The following IGF1R variants were observed in gnomAD, a reference collection of about 807,000 sequenced individuals.
IGF1R encodes insulin-like growth factor 1 receptor.
IGF1R carries 44 observed loss-of-function variants against 144.6 expected under a neutral mutation model. The ratio of observed to expected loss-of-function variants is 0.30; its 90% CI spans 0.24 to 0.39. The LOEUF is 0.39. IGF1R is among the 10% of genes least tolerant of loss of function. IGF1R has a pLI of 1.00. For synonymous variants in IGF1R, 795 were observed against 722.8 expected (o/e 1.10, Z -1.60); for missense variants, 1,355 against 1,833.7 (o/e 0.74, Z 4.77).
chr15:98,665,441 C>T (rs1307404720), intron 1 of IGF1R, among the ~76,000 whole-genome samples: 2 of 152,040 alleles, frequency 1.3e-5, no homozygotes, highest in African/African-American at 4.8e-5. Flanking sequence ...GGATCATTTG[C>T]GTTATCAATG....
chr15:98,936,100 G>A (rs796132854), intron 17 of IGF1R, among the ~76,000 whole-genome samples: 10 of 152,238 alleles, frequency 6.6e-5, no homozygotes, highest in African/African-American at 2.2e-4. Context: ...CCCCTTCCCC[G>A]GCATTGTTGG....
At position 98,902,457 on chromosome 15, in the gene IGF1R, G is replaced by A. The variant is rs1369874969; in HGVS notation, c.1247+2836G>A. On this transcript the variant is annotated intron_variant, in intron 5 of 20. Coordinates refer to ENST00000650285, the MANE Select transcript of IGF1R (RefSeq NM_000875.5). ...TTTTGAGATGGAATCTTGCTGTGTC[G>A]CCCAGGCTGGAGTGTAGTGGCGCTG... Among the ~76,000 whole-genome samples the A allele has an allele frequency of 1.1e-4, 14 of 131,878 alleles. No individual in the cohort carries two copies. The East Asian group carries it at 1.5e-3, about 14-fold the overall frequency. The allele number at this position is 131,878 out of a possible 152,430, so 86.5% of individuals were successfully genotyped here.
rs1163334195 is a variant in IGF1R at position 98,719,459 on chromosome 15, T to C, written c.640+11352T>C. 3.9e-5 allele frequency among the ~76,000 whole-genome samples: 6 copies of C among 152,280 alleles called. No homozygotes were observed. The South Asian group carries it at 6.2e-4, about 16-fold the overall frequency. On this transcript the variant is annotated intron_variant, in intron 2 of 20. Coordinates refer to ENST00000650285, the MANE Select transcript of IGF1R (RefSeq NM_000875.5). ...AGCTCACCAAATATTTCTTGTTTGCTGAGGGGGGAAAAAGATCCTCCTTGG... is the reference window on the plus strand; with the variant it reads ...AGCTCACCAAATATTTCTTGTTTGCCGAGGGGGGAAAAAGATCCTCCTTGG...
chr15:98,678,921 C>T (rs2053116999), intron 1 of IGF1R, among the ~76,000 whole-genome samples: 1 of 130,176 alleles, frequency 7.7e-6, no homozygotes, highest in South Asian at 2.5e-4. Context: ...CTCTGATGCT[C>T]TTTTTTTTTT....
In IGF1R at chr15:98,963,141, G is replaced by C. The variant is rs1472671679; in HGVS notation, c.*5699G>C. 1 of 230,350 alleles carries C rather than the reference G, an allele frequency of 4.3e-6. No homozygotes were observed. The highest frequency in any genetic ancestry group is 6.1e-5 in the East Asian group (1 of 16,376). The allele number at this position is 230,350 out of a possible 1,614,324, so 14.3% of individuals were successfully genotyped here. ...AGAATAATTTTATAAAATGTTTGTA[G>C]TTTATAATTGCCGAAAATAATTTAA... On this transcript the variant is annotated 3_prime_UTR_variant, in exon 21 of 21. Coordinates refer to ENST00000650285, the MANE Select transcript of IGF1R (RefSeq NM_000875.5).
At chr15:98,844,386 C>CAGATAA (rs1360125605) in intron 2 of IGF1R, among the ~76,000 whole-genome samples, 2 of 152,176 alleles carry the variant, frequency 1.3e-5, no homozygotes, top group Non-Finnish European at 2.9e-5. Flanking sequence ...AAGTCCTGAA[C>CAGATAA]ATCTTTCTAT....
intron 2 of IGF1R, among the ~76,000 whole-genome samples, chr15:98,889,060 G>A (rs2013782059): frequency 6.6e-6 from 1 of 152,148 alleles, no homozygotes. Flanking sequence ...TATCTCACTG[G>A]CCAGAACTTA....
At chr15:98,651,940 G>C (rs142301282) in intron 1 of IGF1R, among the ~76,000 whole-genome samples, 3 of 152,312 alleles carry the variant, frequency 2.0e-5, no homozygotes, top group Non-Finnish European at 4.4e-5. Flanking sequence ...AGCCGGGAAG[G>C]TGCTAGACCA....
intron 2 of IGF1R, among the ~76,000 whole-genome samples, chr15:98,865,083 C>G (rs1164931549): frequency 6.6e-6 from 1 of 152,212 alleles, no homozygotes; most frequent in Admixed American, 6.5e-5. Context: ...ATCACACATG[C>G]TTGCTGGACC....
intron 3 of IGF1R, among the ~76,000 whole-genome samples, chr15:98,892,717 T>C (rs993374961): frequency 6.6e-6 from 1 of 152,072 alleles, no homozygotes; most frequent in Non-Finnish European, 1.5e-5. Flanking sequence ...TGCTGTTCCC[T>C]TTCCTGGAGC....
In IGF1R at chr15:98,891,500, G is replaced by A. The variant is rs755846821; in HGVS notation, c.816G>A (p.Glu272=). The change falls in exon 3 of 21, where the codon GAG becomes GAA. Residue 272 remains glutamate, a synonymous_variant. Coordinates refer to ENST00000650285, the MANE Select transcript of IGF1R (RefSeq NM_000875.5). This position sits in a 1 kb window ranked among gnomAD's most constrained non-coding sequence, Gnocchi z 4.7. ...PACPPNTYRF[E]GWRCVDRDFC... ...GCCCGCCCAACACCTACAGGTTTGA[G>A]GGCTGGCGCTGTGTGGACCGTGACT... 2.5e-6 allele frequency: 4 copies of A among 1,613,906 alleles called. No individual in the cohort carries two copies. In the South Asian group the frequency reaches 4.4e-5, roughly 18 times the overall value.
chr15:98,845,496 TCTCCTCCTCCCTCCTCCTCCTTCCTC>T (rs1186399678), intron 2 of IGF1R, among the ~76,000 whole-genome samples: 2 of 93,738 alleles, frequency 2.1e-5, no homozygotes, highest in African/African-American at 4.1e-5. Context: ...CCTCCTTCCT[TCTCCTCCTCCCTCCTCCTCCTTCCTC>T]CTCCCCCTCC....
intron 2 of IGF1R, among the ~76,000 whole-genome samples, chr15:98,884,135 T>G (rs2013520165): frequency 6.6e-6 from 1 of 152,144 alleles, no homozygotes. Flanking sequence ...ACTGGGGGGC[T>G]GCTAGGCCCC....
intron 2 of IGF1R, among the ~76,000 whole-genome samples, chr15:98,859,933 T>C (rs1173325651): frequency 6.6e-6 from 1 of 152,202 alleles, no homozygotes; most frequent in Non-Finnish European, 1.5e-5. Context: ...TTTTTTCTTT[T>C]GAGATGGAGT....
Position 98,891,303 on chromosome 15 carries a change from C to A in IGF1R, c.641-22C>A. 4 of 1,602,498 alleles carry A rather than the reference C, an allele frequency of 2.5e-6. No individual in the cohort carries two copies. The highest frequency in any genetic ancestry group is 3.4e-6 in the Non-Finnish European group (4 of 1,179,468). On this transcript the variant is annotated intron_variant, in intron 2 of 20. Transcript: ENST00000650285. This position sits in a 1 kb window ranked among gnomAD's most constrained non-coding sequence, Gnocchi z 4.7. The stretch of plus-strand genomic sequence containing the variant: ...TGCCTCCCCTGCCCGGTCTCATCTC[C>A]GTCTCTCCTCTCTCTCCACAGTGTG...
intron 1 of IGF1R, among the ~76,000 whole-genome samples, chr15:98,697,048 A>C (rs2053611669): frequency 6.6e-6 from 1 of 152,198 alleles, no homozygotes; most frequent in African/African-American, 2.4e-5. Context: ...TTAGAGCAGA[A>C]GAGTAAATGC....
intron 1 of IGF1R, among the ~76,000 whole-genome samples, chr15:98,698,376 C>CACACAGCACACACAGTA (rs2053646835): frequency 6.6e-6 from 1 of 152,166 alleles, no homozygotes. Context: ...AGTTTAAGTA[C>CACACAGCACACACAGTA]CTTTACACTG....
intron 1 of IGF1R, 57 bp downstream of exon 1, chr15:98,649,732 C>T: frequency 1.5e-6 from 2 of 1,356,588 alleles, no homozygotes; most frequent in African/African-American, 1.4e-5. Context: ...CGAGGGGCTG[C>T]GCCCTGTTTG....
intron 19 of IGF1R, among the ~76,000 whole-genome samples, chr15:98,947,713 TGG>T (rs1249122217): frequency 6.6e-6 from 1 of 152,224 alleles, no homozygotes; most frequent in Admixed American, 6.5e-5. Flanking sequence ...TGCATGCATA[TGG>T]CAGAATTGCT....
Sources: allele counts gnomAD v4.1 joint callset (sites outside exome capture counted in the v4.1 genomes callset), GRCh38; gene constraint gnomAD v4.1.1; non-coding constraint Gnocchi (gnomAD v3.1); transcripts MANE v1.5; gene names NCBI Gene and HGNC (gene_info 2026-07-23, HGNC 2026-07-21).